Variants in ARMC9 observed in about 807,000 individuals in gnomAD.
ARMC9 encodes the protein lisH domain-containing protein ARMC9.
Under a neutral mutation model 107.0 loss-of-function variants are expected in ARMC9, and 94 were observed. That is an observed-to-expected ratio of 0.88 (90% confidence interval 0.74 to 1.04). The LOEUF (loss-of-function observed/expected upper bound fraction) is 1.04, where lower values mean the gene tolerates loss of function less well. Ranked by LOEUF, ARMC9 falls within the 50% of genes least tolerant of loss-of-function variation. The pLI is 0.00. For missense variants in ARMC9, 942 were observed against 1,030.1 expected, an observed-to-expected ratio of 0.91 and a Z score of 1.17; for synonymous variants, 380 against 396.9, an observed-to-expected ratio of 0.96 and a Z score of 0.51.
Position 231,373,954 on chromosome 2 carries a change from A to G in ARMC9, c.*2419A>G, listed in dbSNP as rs2125603426. 6.6e-6 allele frequency: 1 copy of G among 152,184 alleles called. No individual in the cohort carries two copies. The highest frequency in any genetic ancestry group is 1.5e-5 in the Non-Finnish European group (1 of 68,032). 9.4% of individuals were successfully genotyped at this position (152,184 alleles called of 1,614,324 possible). A position where few individuals can be genotyped will look rare whatever the true frequency, so the allele number is the denominator to read the frequency against. ...GTGGGGTATGTGTGGTTCTTCCAGG[A>G]AAGTGCTGAAAATATCACCCAGGCC... On this transcript the variant is annotated 3_prime_UTR_variant, in exon 25 of 25. Coordinates refer to ENST00000611582, the MANE Select transcript of ARMC9 (RefSeq NM_001352754.2). This position sits in a 1 kb window ranked among gnomAD's most constrained non-coding sequence, Gnocchi z 4.4.
chr2:231,295,687 A>G (rs2041315528), intron 18 of ARMC9: 1 of 152,414 alleles, frequency 6.6e-6, no homozygotes, highest in Non-Finnish European at 1.5e-5. Context: ...CCTACCTGCC[A>G]TGACCACCAC....
intron 3 of ARMC9, among the ~76,000 whole-genome samples, chr2:231,211,553 G>C (rs2032867584): frequency 6.6e-6 from 1 of 151,792 alleles, no homozygotes. Flanking sequence ...AAATAGTGCT[G>C]CAGTGAACGT....
At chr2:231,329,165 A>G (rs2043550381) in intron 19 of ARMC9, among the ~76,000 whole-genome samples, 1 of 151,628 alleles carries the variant, frequency 6.6e-6, no homozygotes, top group African/African-American at 2.4e-5. Context: ...ATTTTAGAAT[A>G]ATCTTACTTA....
At chr2:231,305,643 G>A (rs1449958549) in intron 19 of ARMC9, among the ~76,000 whole-genome samples, 1 of 152,156 alleles carries the variant, frequency 6.6e-6, no homozygotes, top group Non-Finnish European at 1.5e-5. Context: ...GCTGTACAAG[G>A]CTATCGTGTG....
At chr2:231,330,031 T>C (rs2043614790) in intron 19 of ARMC9, among the ~76,000 whole-genome samples, 1 of 152,194 alleles carries the variant, frequency 6.6e-6, no homozygotes, top group South Asian at 2.1e-4. Flanking sequence ...TGAATTTCTT[T>C]TGTACCTTAG....
At chr2:231,302,710 T>C (rs911036750) in intron 19 of ARMC9, among the ~76,000 whole-genome samples, 1 of 152,226 alleles carries the variant, frequency 6.6e-6, no homozygotes, top group African/African-American at 2.4e-5. Flanking sequence ...ATTTTAAATA[T>C]CATTTTTATT....
Position 231,226,690 on chromosome 2 carries a change from T to C in ARMC9, c.598-84T>C. ...ATTCTGTTTCATCATGCTGAGGTGC[T>C]TTCTCACATTGGCCACAGGATGTCC... On this transcript the variant is annotated intron_variant, in intron 6 of 24. Transcript: ENST00000611582. 2.0e-6 allele frequency: 3 copies of C among 1,480,476 alleles called. No individual in the cohort carries two copies. In the South Asian group the frequency reaches 3.4e-5, roughly 17 times the overall value. 91.7% of individuals were successfully genotyped at this position (1,480,476 alleles called of 1,614,324 possible). A position where few individuals can be genotyped will look rare whatever the true frequency, so the allele number is the denominator to read the frequency against.
intron 21 of ARMC9, among the ~76,000 whole-genome samples, chr2:231,348,672 CA>C (rs1323889532): frequency 2.0e-5 from 3 of 151,920 alleles, no homozygotes; most frequent in Non-Finnish European, 4.4e-5. Context: ...AAAATATTTG[CA>C]AACTACCCAT....
chr2:231,310,069 A>G (rs2042249784), intron 19 of ARMC9, among the ~76,000 whole-genome samples: 1 of 152,212 alleles, frequency 6.6e-6, no homozygotes, highest in Non-Finnish European at 1.5e-5. Context: ...CGAGGACTAC[A>G]TAACTAACTG....
At chr2:231,365,111 C>T (rs140641643) in intron 23 of ARMC9, among the ~76,000 whole-genome samples, 6 of 152,278 alleles carry the variant, frequency 3.9e-5, no homozygotes, top group African/African-American at 1.4e-4. Flanking sequence ...CAGGAAATGG[C>T]GCTGGTCTGG....
chr2:231,327,932 A>G (rs1237678075), intron 19 of ARMC9, among the ~76,000 whole-genome samples: 1 of 152,088 alleles, frequency 6.6e-6, no homozygotes, highest in Non-Finnish European at 1.5e-5. Context: ...TTACAGGCAC[A>G]TGCCACCAGG....
At chr2:231,350,535 T>G (rs553392336) in intron 21 of ARMC9, among the ~76,000 whole-genome samples, 1 of 151,134 alleles carries the variant, frequency 6.6e-6, no homozygotes, top group South Asian at 2.1e-4. Flanking sequence ...GGCAGGAGCA[T>G]TGCTTCAGTC....
chr2:231,257,560 C>A (rs2037947603), intron 10 of ARMC9, among the ~76,000 whole-genome samples: 1 of 152,178 alleles, frequency 6.6e-6, no homozygotes, highest in Admixed American at 6.5e-5. Flanking sequence ...TTTATTCTCT[C>A]CTACCACTTT....
At chr2:231,284,241 A>G (rs1183282565) in intron 17 of ARMC9, among the ~76,000 whole-genome samples, 2 of 152,224 alleles carry the variant, frequency 1.3e-5, no homozygotes, top group Non-Finnish European at 2.9e-5. Flanking sequence ...GGATCTTATT[A>G]GCTATGCCAT....
At chr2:231,222,347 A>G (rs903783715) in intron 5 of ARMC9, among the ~76,000 whole-genome samples, 17 of 152,132 alleles carry the variant, frequency 1.1e-4, no homozygotes, top group Non-Finnish European at 2.1e-4. Context: ...ACTCTCAGTA[A>G]CTTAGTGATA....
intron 12 of ARMC9, among the ~76,000 whole-genome samples, chr2:231,265,278 A>G (rs775587374): frequency 6.6e-6 from 1 of 152,192 alleles, no homozygotes; most frequent in Non-Finnish European, 1.5e-5. Flanking sequence ...AAAAGAAGTC[A>G]TTATATGAAA....
intron 5 of ARMC9, among the ~76,000 whole-genome samples, chr2:231,218,538 G>A (rs968262163): frequency 1.3e-5 from 2 of 152,146 alleles, no homozygotes; most frequent in Non-Finnish European, 2.9e-5. Context: ...TGGCAGAATC[G>A]GGGATGGGGC....
intron 12 of ARMC9, 65 bp downstream of exon 12, chr2:231,262,463 T>C (rs2125414213): frequency 7.2e-7 from 1 of 1,392,574 alleles, no homozygotes; most frequent in South Asian, 1.2e-5. Flanking sequence ...TCTTAGCAGA[T>C]GGGGGAAGCT....
intron 20 of ARMC9, among the ~76,000 whole-genome samples, chr2:231,340,279 C>G (rs1286295669): frequency 1.3e-5 from 2 of 152,120 alleles, no homozygotes; most frequent in Non-Finnish European, 2.9e-5. Flanking sequence ...TCTTCTGGTA[C>G]CCGGAGAGCA....
Sources: allele counts gnomAD v4.1 joint callset (sites outside exome capture counted in the v4.1 genomes callset), GRCh38; gene constraint gnomAD v4.1.1; non-coding constraint Gnocchi (gnomAD v3.1); transcripts MANE v1.5; gene names NCBI Gene and HGNC (gene_info 2026-07-23, HGNC 2026-07-21).